Variants in SOAT1 observed in about 807,000 individuals in gnomAD.
The protein encoded by SOAT1 is acyl-coenzyme A:cholesterol acyltransferase 1.
SOAT1 carries 55 observed loss-of-function variants against 69.5 expected under a neutral mutation model. That is an observed-to-expected ratio of 0.79 (90% CI 0.64 to 0.99). The LOEUF (loss-of-function observed/expected upper bound fraction) is 0.99. SOAT1 is among the 50% of genes least tolerant of loss of function. The pLI, the probability that SOAT1 is intolerant of heterozygous loss-of-function variation, is 0.00. For synonymous variants in SOAT1, 231 were observed against 224.7 expected, an observed-to-expected ratio of 1.03 and a Z score of -0.25; for missense variants, 580 against 669.3, an observed-to-expected ratio of 0.87 and a Z score of 1.47.
intron 3 of SOAT1, among the ~76,000 whole-genome samples, chr1:179,331,194 A>G (rs1157610704): frequency 6.6e-6 from 1 of 152,202 alleles, no homozygotes; most frequent in East Asian, 1.9e-4. Context: ...ATTTTGAATA[A>G]TTTTGTGAAA....
intron 10 of SOAT1, among the ~76,000 whole-genome samples, chr1:179,344,669 C>T (rs528656817): frequency 6.6e-5 from 10 of 152,054 alleles, no homozygotes; most frequent in East Asian, 1.9e-4. Context: ...CCACTGTGCC[C>T]GGCCATGTTA....
At chr1:179,329,484 G>T (rs1322271303) in intron 3 of SOAT1, among the ~76,000 whole-genome samples, 1 of 152,152 alleles carries the variant, frequency 6.6e-6, no homozygotes, top group Non-Finnish European at 1.5e-5. Flanking sequence ...CCAGCACTTT[G>T]AGAGGTTGAG....
chr1:179,309,900 GT>G (rs1665163253), intron 2 of SOAT1, among the ~76,000 whole-genome samples: 1 of 151,182 alleles, frequency 6.6e-6, no homozygotes, highest in Non-Finnish European at 1.5e-5. Flanking sequence ...TTTTATTTTT[GT>G]TTTTGTTTTT....
intron 4 of SOAT1, 115 bp from the exon 5 acceptor site, chr1:179,337,722 G>A: frequency 3.0e-6 from 2 of 659,184 alleles, no homozygotes; most frequent in Non-Finnish European, 5.1e-6. Flanking sequence ...TAGTGAAAAG[G>A]TCATTGGTCA....
intron 3 of SOAT1, among the ~76,000 whole-genome samples, chr1:179,330,470 G>A (rs2152317): frequency 0.22 from 33,033 of 152,164 alleles, 4,598 homozygotes; most frequent in East Asian, 0.38. Context: ...CTGTGCCTAC[G>A]TTTTAGCAGA....
intron 6 of SOAT1, among the ~76,000 whole-genome samples, chr1:179,339,780 A>C (rs1173751312): frequency 3.9e-5 from 6 of 152,236 alleles, no homozygotes; most frequent in Admixed American, 3.9e-4. Flanking sequence ...ATTTCTAGGT[A>C]ATTTTCCCAA....
chr1:179,302,020 T>C (rs527513905), intron 1 of SOAT1, among the ~76,000 whole-genome samples: 1 of 126,838 alleles, frequency 7.9e-6, no homozygotes, highest in Admixed American at 8.9e-5. Flanking sequence ...TGTTACTATT[T>C]AATCCTTTTT....
At chr1:179,306,611 T>C (rs1423596483) in intron 2 of SOAT1, among the ~76,000 whole-genome samples, 1 of 151,926 alleles carries the variant, frequency 6.6e-6, no homozygotes, top group Non-Finnish European at 1.5e-5. Context: ...GGTGGGCAGA[T>C]CACGAGGTCA....
intron 3 of SOAT1, among the ~76,000 whole-genome samples, chr1:179,328,236 C>T (rs561846502): frequency 1.3e-5 from 2 of 152,170 alleles, no homozygotes; most frequent in African/African-American, 4.8e-5. Flanking sequence ...CATCCCTGGC[C>T]TAGCTTTGCT....
chr1:179,353,826 A>T lies in SOAT1; in HGVS notation c.*185A>T. 1 of 582,840 alleles carries T rather than the reference A, an allele frequency of 1.7e-6. No homozygotes were observed. The allele number at this position is 582,840 out of a possible 1,614,324, so 36.1% of individuals were successfully genotyped here. On this transcript the variant is annotated 3_prime_UTR_variant, in exon 16 of 16. Coordinates refer to ENST00000367619, the MANE Select transcript of SOAT1 (RefSeq NM_003101.6). ...TTGGAAGTTCACTGGAGTCTTGTAC[A>T]CTTAAGCAGAGCAGAACTTTTTTTG...
At chr1:179,313,892 T>C (rs916030247) in intron 2 of SOAT1, among the ~76,000 whole-genome samples, 2 of 152,194 alleles carry the variant, frequency 1.3e-5, no homozygotes, top group African/African-American at 4.8e-5. Flanking sequence ...CCACACATTG[T>C]ATGTTTATAG....
chr1:179,322,785 C>T, intron 2 of SOAT1, among the ~76,000 whole-genome samples: 1 of 96,034 alleles, frequency 1.0e-5, no homozygotes, highest in Non-Finnish European at 2.4e-5. Context: ...AGACAGATTT[C>T]CTTCTGTTTT....
intron 2 of SOAT1, among the ~76,000 whole-genome samples, chr1:179,321,167 A>C (rs1180078324): frequency 1.3e-5 from 2 of 152,026 alleles, no homozygotes; most frequent in Non-Finnish European, 2.9e-5. Context: ...CGGCCTCCCA[A>C]AGTGCTGGGA....
intron 2 of SOAT1, among the ~76,000 whole-genome samples, chr1:179,308,947 C>T (rs764160057): frequency 1.1e-4 from 17 of 152,036 alleles, no homozygotes; most frequent in African/African-American, 2.2e-4. Context: ...TTCTGCTGTA[C>T]GGATGCTTGG....
intron 1 of SOAT1, among the ~76,000 whole-genome samples, chr1:179,295,189 C>A (rs1409841792): frequency 6.6e-6 from 1 of 152,212 alleles, no homozygotes; most frequent in Non-Finnish European, 1.5e-5. Context: ...TTCCTTCTGG[C>A]TTTCCAGGTT....
chr1:179,343,248 G>C (rs1354703556), intron 9 of SOAT1, among the ~76,000 whole-genome samples: 2 of 150,466 alleles, frequency 1.3e-5, no homozygotes, highest in South Asian at 4.2e-4. Context: ...TTTTTTCTGA[G>C]ATGGGAGTCT....
At chr1:179,353,512 TC>T in intron 15 of SOAT1, 72 bp from the exon 16 acceptor site, 1 of 1,288,572 alleles carries the variant, frequency 7.8e-7, no homozygotes, top group African/African-American at 1.5e-5. Flanking sequence ...CATATTAACA[TC>T]CCTGCCTATC....
chr1:179,352,320 T>C (rs1020170719), intron 15 of SOAT1, among the ~76,000 whole-genome samples: 1 of 151,548 alleles, frequency 6.6e-6, no homozygotes, highest in Non-Finnish European at 1.5e-5. Context: ...CAGCAAACAC[T>C]CTGGTTAATT....
intron 13 of SOAT1, among the ~76,000 whole-genome samples, chr1:179,350,033 A>G (rs752627494): frequency 1.3e-5 from 2 of 152,232 alleles, no homozygotes; most frequent in South Asian, 2.1e-4. Flanking sequence ...TAGGAAAACT[A>G]TGTTTTGTCA....
Sources: allele counts gnomAD v4.1 joint callset (sites outside exome capture counted in the v4.1 genomes callset), GRCh38; gene constraint gnomAD v4.1.1; transcripts MANE v1.5; gene names NCBI Gene and HGNC (gene_info 2026-07-23, HGNC 2026-07-21).